The following CSPG4 variants were observed in gnomAD, a reference collection of about 807,000 sequenced individuals.
CSPG4 encodes the protein chondroitin sulfate proteoglycan 4.
In CSPG4, 74 loss-of-function variants were observed where a neutral mutation model predicts 139.3. The observed-to-expected ratio is 0.53, with a 90% CI of 0.44 to 0.64. The LOEUF (loss-of-function observed/expected upper bound fraction) is 0.64, where lower values mean the gene tolerates loss of function less well. CSPG4 is among the 30% of genes least tolerant of loss of function. The pLI, the probability that CSPG4 is intolerant of heterozygous loss-of-function variation, is 0.00. For synonymous variants in CSPG4, 1,234 were observed against 1,394.2 expected, an observed-to-expected ratio of 0.89 and a Z score of 2.56; for missense variants, 2,565 against 3,148.3, an observed-to-expected ratio of 0.81 and a Z score of 4.43.
At chr15:75,684,708 A>G in intron 5 of CSPG4, 28 bp downstream of exon 5, 3 of 1,598,248 alleles carry the variant, frequency 1.9e-6, no homozygotes, top group Non-Finnish European at 2.6e-6. Context: ...CGAAGCAGAC[A>G]TGGGGGTGTT....
intron 1 of CSPG4, among the ~76,000 whole-genome samples, chr15:75,701,955 C>T (rs959708800): frequency 5.3e-5 from 8 of 152,230 alleles, no homozygotes; most frequent in Admixed American, 2.0e-4. Context: ...CATCCAGTCC[C>T]CAAATTCTCC....
At position 75,676,113 on chromosome 15, in the gene CSPG4, C is replaced by T. The variant is rs779102956; in HGVS notation, c.6406G>A (p.Gly2136Ser). The change falls in exon 10 of 10, where the codon GGC (glycine) becomes AGC (serine). Residue 2136 changes from glycine to serine, a missense_variant. Physicochemically the swap from Gly to Ser is moderately conservative, Grantham distance 56. Coordinates refer to ENST00000308508, the MANE Select transcript of CSPG4 (RefSeq NM_001897.5). ...EVGRPEGRAP[G>S]PAGDSLTLEL... is the part of the protein sequence containing the mutation. The stretch of plus-strand genomic sequence containing the variant: ...AGAGTGAGACTGTCACCTGCGGGGC[C>T]GGGGGCCCTCCCCTCTGGCCTGCCC... 13 of 1,535,706 alleles carry T rather than the reference C, an allele frequency of 8.5e-6. No individual in the cohort carries two copies. Among genetic ancestry groups the T allele is most frequent in the African/African-American group, 4.1e-5 (3 of 73,076 alleles).
chr15:75,677,271 G>T lies in CSPG4; in HGVS notation c.5248C>A (p.Gln1750Lys). The change falls in exon 10 of 10, where the codon CAG (glutamine) becomes AAG (lysine). Residue 1750 changes from glutamine to lysine, a missense_variant. Gln to Lys is a moderately conservative substitution (Grantham distance 53, BLOSUM62 1). This residue lies in a region of CSPG4 where 2,316 missense variants were observed against 2,818.2 expected (regional missense o/e 0.82). Coordinates refer to ENST00000308508, the MANE Select transcript of CSPG4 (RefSeq NM_001897.5). ...PQRSEHDVLF[Q>K]VTQFPSRGQL... ...CCCCGGCTGGGGAACTGTGTGACCT[G>T]GAAGAGCACATCATGCTCTGAGCGC... 6.7e-7 allele frequency: 1 copy of T among 1,498,152 alleles called. No homozygotes were observed. The allele number at this position is 1,498,152 out of a possible 1,614,324, so 92.8% of individuals were successfully genotyped here. A position where few individuals can be genotyped will look rare whatever the true frequency, so the allele number is the denominator to read the frequency against.
chr15:75,675,887 T>C lies in CSPG4; in HGVS notation c.6632A>G (p.Lys2211Arg). 6.2e-7 allele frequency: 1 copy of C among 1,605,650 alleles called. No homozygotes were observed. Among genetic ancestry groups the C allele is most frequent in the South Asian group, 1.1e-5 (1 of 91,080 alleles). The part of the protein sequence containing the change: ...MASSPEPAVA[K>R]GGFLSFLEAN... ...CTCAAGGAAGCTCAGGAAGCCTCCCTTGGCCACAGCGGGCTCAGGGCTGGA... is the reference window on the plus strand; with the variant it reads ...CTCAAGGAAGCTCAGGAAGCCTCCCCTGGCCACAGCGGGCTCAGGGCTGGA... The change falls in exon 10 of 10, where the codon AAG (lysine) becomes AGG (arginine). Residue 2211 changes from lysine (K) to arginine (R), a missense_variant. Physicochemically the swap from Lys to Arg is conservative, Grantham distance 26 (BLOSUM62 2). Around this residue, in one of 5 missense-constraint regions of CSPG4, gnomAD observed 2,316 missense variants for 2,818.2 expected, o/e 0.82. Transcript: ENST00000308508.
In CSPG4 at chr15:75,697,734, G is replaced by T. The variant is rs1242578109; in HGVS notation, c.89-4501C>A. 7.9e-5 allele frequency among the ~76,000 whole-genome samples: 12 copies of T among 152,342 alleles called. 1 individual carries two copies. The East Asian group carries it at 2.1e-3, about 27-fold the overall frequency. Reference sequence around the variant, plus strand: ...GGAGCCCGGAGCTGCTGGCCCGTGGGGAGTGCCTGGGCCCGTAGTTGAGGG... The same window carrying T: ...GGAGCCCGGAGCTGCTGGCCCGTGGTGAGTGCCTGGGCCCGTAGTTGAGGG... On this transcript the variant is annotated intron_variant, in intron 1 of 9. Transcript: ENST00000308508.
Position 75,688,959 on chromosome 15 carries a change from G to A in CSPG4, c.2106C>T (p.Arg702=), listed in dbSNP as rs144158910. ...AVGQDVSVLF[R]VTGALQFGEL... ...CCCCAAACTGCAGGGCCCCAGTGAC[G>A]CGGAACAGCACGCTCACATCCTGCC... is the stretch of plus-strand genomic sequence containing the variant. Residue 702 remains arginine (R), a synonymous_variant, in exon 3 of 10, where the codon CGC becomes CGT. Coordinates refer to ENST00000308508, the MANE Select transcript of CSPG4 (RefSeq NM_001897.5). 13,163 of 1,612,524 alleles carry A rather than the reference G, an allele frequency of 8.2e-3. 97 individuals are homozygous for A. Among genetic ancestry groups the A allele is most frequent in the Middle Eastern group, 0.031 (181 of 5,814 alleles).
In CSPG4 at chr15:75,690,081, A is replaced by C; in HGVS notation, c.984T>G (p.Asp328Glu). ...CCTGGAGGTGACGAGAGGCCTCTGC[A>C]TCCAGCCCCCCGAGAAGGAGACTGC... Reference protein sequence around the residue: ...PRGSLLLGGLDAEASRHLQEH... With the variant: ...PRGSLLLGGLEAEASRHLQEH... The change falls in exon 3 of 10, where the codon GAT becomes GAG. Residue 328 changes from aspartate (D) to glutamate (E), a missense_variant. Physicochemically the swap from Asp to Glu is conservative, Grantham distance 45. Around this residue, in one of 5 missense-constraint regions of CSPG4, gnomAD observed 2,316 missense variants for 2,818.2 expected, o/e 0.82. Transcript: ENST00000308508. 6.2e-7 allele frequency: 1 copy of C among 1,612,312 alleles called. No homozygotes were observed. The highest frequency in any genetic ancestry group is 8.5e-7 in the Non-Finnish European group (1 of 1,179,676).
chr15:75,681,187 A>G lies in CSPG4; in HGVS notation c.4950+1106T>C, dbSNP rs1056125472. Among the ~76,000 whole-genome samples, 29 of 152,274 alleles carry G rather than the reference A, an allele frequency of 1.9e-4. No individual in the cohort carries two copies. In the East Asian group the frequency reaches 2.9e-3, roughly 15 times the overall value. ...GGGAAATACAGAACCTGGGACTGGG[A>G]GGTGTTGATGTGAGAAGCCCAAGAA... On this transcript the variant is annotated intron_variant, in intron 8 of 9. Transcript: ENST00000308508.
Position 75,689,122 on chromosome 15 carries a change from G to T in CSPG4, c.1943C>A (p.Ala648Asp). The change falls in exon 3 of 10, where the codon GCC (alanine) becomes GAC (aspartate). Residue 648 changes from alanine (A) to aspartate (D), a missense_variant. Ala to Asp is a moderately radical substitution (Grantham distance 126). This residue lies in a region of CSPG4 where 2,316 missense variants were observed against 2,818.2 expected (regional missense o/e 0.82). Coordinates refer to ENST00000308508, the MANE Select transcript of CSPG4 (RefSeq NM_001897.5). ...CACCTTCAGCGTGGCCGGGGGGCTG[G>T]CCTGCAGTCCATCGCTGACCCGGAA... ...LTFRVSDGLQ[A>D]SPPATLKVVA... 6.2e-7 allele frequency: 1 copy of T among 1,601,710 alleles called. No homozygotes were observed.
In CSPG4 at chr15:75,675,842, A is replaced by G. The variant is rs764942324; in HGVS notation, c.6677T>C (p.Ile2226Thr). 6.2e-7 allele frequency: 1 copy of G among 1,611,684 alleles called. No individual in the cohort carries two copies. The highest frequency in any genetic ancestry group is 2.2e-5 in the East Asian group (1 of 44,878). ...CAGAAGTACCAGGCACATGGGGATG[A>G]TGACGCTGAACATGTTGGCCTCAAG... The part of the protein sequence containing the change: ...SFLEANMFSV[I>T]IPMCLVLLLL... The change falls in exon 10 of 10, where the codon ATC (isoleucine) becomes ACC (threonine). Residue 2226 changes from isoleucine (I) to threonine (T), a missense_variant. This residue lies in a region of CSPG4 where 2,316 missense variants were observed against 2,818.2 expected (regional missense o/e 0.82). Coordinates refer to ENST00000308508, the MANE Select transcript of CSPG4 (RefSeq NM_001897.5).
At chr15:75,702,121 GT>G (rs1429440634) in intron 1 of CSPG4, among the ~76,000 whole-genome samples, 1 of 152,208 alleles carries the variant, frequency 6.6e-6, no homozygotes, top group Non-Finnish European at 1.5e-5. Context: ...CTTGCCTTTG[GT>G]GGCTCCCATT....
At position 75,687,622 on chromosome 15, in the gene CSPG4, G is replaced by A; in HGVS notation, c.3443C>T (p.Ala1148Val). 1 of 1,612,142 alleles carries A rather than the reference G, an allele frequency of 6.2e-7. No individual in the cohort carries two copies. The highest frequency in any genetic ancestry group is 8.5e-7 in the Non-Finnish European group (1 of 1,179,510). ...PQGGQGTIDT[A>V]VLHLDTNLDI... ...GAGGTTGGTGTCCAGGTGGAGCACG[G>A]CCGTGTCGATGGTGCCCTGGCCTCC... The change falls in exon 3 of 10, where the codon GCC (alanine) becomes GTC (valine). Residue 1148 changes from alanine to valine, a missense_variant. Coordinates refer to ENST00000308508, the MANE Select transcript of CSPG4 (RefSeq NM_001897.5). This position sits in a 1 kb window ranked among gnomAD's most constrained non-coding sequence, Gnocchi z 5.4.
chr15:75,706,565 G>C (rs1007997934), intron 1 of CSPG4, among the ~76,000 whole-genome samples: 1 of 152,196 alleles, frequency 6.6e-6, no homozygotes, highest in Admixed American at 6.5e-5. Context: ...CAGAGATGGA[G>C]GGCAGGGCCC....
chr15:75,696,613 G>C lies in CSPG4; in HGVS notation c.89-3380C>G, dbSNP rs1268396161. Among the ~76,000 whole-genome samples the C allele has an allele frequency of 6.6e-6, 1 of 152,112 alleles. No homozygotes were observed. The highest frequency in any genetic ancestry group is 1.5e-5 in the Non-Finnish European group (1 of 67,994). ...CGCCTGCCATTACTTGGCTGGGCCT[G>C]GCTCCATGAAAGGGGCTGTGTGTTC... On this transcript the variant is annotated intron_variant, in intron 1 of 9. Transcript: ENST00000308508. This position sits in a 1 kb window ranked among gnomAD's most constrained non-coding sequence, Gnocchi z 4.2.
chr15:75,707,880 C>G (rs1312308516), intron 1 of CSPG4, among the ~76,000 whole-genome samples: 1 of 152,068 alleles, frequency 6.6e-6, no homozygotes, highest in African/African-American at 2.4e-5. Context: ...GGGGGAGACC[C>G]CTGAGCAAAG....
At chr15:75,710,134 C>T (rs146587981) in intron 1 of CSPG4, among the ~76,000 whole-genome samples, 12 of 152,126 alleles carry the variant, frequency 7.9e-5, no homozygotes, top group East Asian at 3.9e-4. Context: ...GAGTCCCCAC[C>T]CAGGTAACAC....
rs535053519 is a variant in CSPG4 at position 75,692,857 on chromosome 15, C to T, written c.252+213G>A. Among the ~76,000 whole-genome samples the T allele has an allele frequency of 5.4e-3, 816 of 152,200 alleles. 3 individuals carry two copies. The highest frequency in any genetic ancestry group is 0.017 in the African/African-American group (710 of 41,530). On this transcript the variant is annotated intron_variant, in intron 2 of 9. Transcript: ENST00000308508. Reference sequence around the variant, plus strand: ...ACAAAGGGCCAGCGAGGGGTTGTGGCGGGAAACATGGTTGGAGGGAGCCAG... The same window carrying T: ...ACAAAGGGCCAGCGAGGGGTTGTGGTGGGAAACATGGTTGGAGGGAGCCAG...
Position 75,689,305 on chromosome 15 carries a change from C to T in CSPG4, c.1760G>A (p.Cys587Tyr). 1 of 1,611,018 alleles carries T rather than the reference C, an allele frequency of 6.2e-7. No individual in the cohort carries two copies. Among genetic ancestry groups the T allele is most frequent in the Admixed American group, 1.7e-5 (1 of 60,020 alleles). ...VFQAYDPDSA[C>Y]EGLTFQVLGT... ...AAGGACCTGGAAGGTGAGGCCCTCA[C>T]AGGCAGAGTCCGGGTCATAGGCCTG... The change falls in exon 3 of 10, where the codon TGT becomes TAT. Residue 587 changes from cysteine (C) to tyrosine (Y), a missense_variant. Transcript: ENST00000308508.
chr15:75,685,492 C>T lies in CSPG4; in HGVS notation c.3999G>A (p.Ser1333=), dbSNP rs761990748. The part of the protein sequence containing the change: ...SRPEAWSDAF[S]LDVASGLGAP... ...CACCCAGGCCTGAGGCCACATCCAG[C>T]GAGAAGGCATCGCTCCAGGCCTCAG... Residue 1333 remains serine, a synonymous_variant, in exon 4 of 10, where the codon TCG becomes TCA. Transcript: ENST00000308508. 6.5e-5 allele frequency: 104 copies of T among 1,611,374 alleles called. No individual in the cohort carries two copies. Among genetic ancestry groups the T allele is most frequent in the Non-Finnish European group, 8.4e-5 (99 of 1,179,714 alleles).
Sources: gnomAD v4.1 joint callset for allele counts (sites outside exome capture counted in the v4.1 genomes callset) on GRCh38, gnomAD v4.1.1 for gene constraint, gnomAD v4.1.1 regional missense constraint, Gnocchi (gnomAD v3.1) non-coding constraint, MANE v1.5 for transcripts, NCBI Gene and HGNC (gene_info 2026-07-23, HGNC 2026-07-21) for gene names.